GLIS3: variants seen among roughly 807,000 people sequenced by gnomAD.
The protein encoded by GLIS3 is zinc finger protein GLIS3.
GLIS3 carries 53 observed loss-of-function variants against 78.6 expected under a neutral mutation model. The ratio of observed to expected loss-of-function variants is 0.67; its 90% CI spans 0.54 to 0.85. The LOEUF is 0.85. GLIS3 is among the 40% of genes least tolerant of loss of function. The pLI, the probability that GLIS3 is intolerant of heterozygous loss-of-function variation, is 0.00. For missense variants in GLIS3, 1,703 were observed against 1,231.1 expected, an observed-to-expected ratio of 1.38 and a Z score of -5.74; for synonymous variants, 684 against 509.9, an observed-to-expected ratio of 1.34 and a Z score of -4.60.
At chr9:3,834,463 CTT>C (rs1419182833) in intron 9 of GLIS3, among the ~76,000 whole-genome samples, 2 of 152,182 alleles carry the variant, frequency 1.3e-5, no homozygotes, top group Non-Finnish European at 2.9e-5. Context: ...GAAGAACTGA[CTT>C]TTAAATTTTA....
intron 2 of GLIS3, among the ~76,000 whole-genome samples, chr9:4,235,095 G>A (rs764521864): frequency 7.9e-5 from 12 of 152,050 alleles, no homozygotes; most frequent in Non-Finnish European, 1.2e-4. Flanking sequence ...CCAGGAGATC[G>A]AGACCATCCT....
chr9:4,403,326 G>C, the GLIS3 span, among the ~76,000 whole-genome samples: 1 of 152,188 alleles, frequency 6.6e-6, no homozygotes, highest in African/African-American at 2.4e-5. Context: ...TTTTCAGTCT[G>C]AAAGAAAGGG....
At chr9:3,940,016 C>G (rs1369217330) in intron 4 of GLIS3, among the ~76,000 whole-genome samples, 1 of 152,218 alleles carries the variant, frequency 6.6e-6, no homozygotes, top group African/African-American at 2.4e-5. Context: ...GTTCATTTCT[C>G]TAATGGCGTC....
chr9:4,137,650 A>G (rs2130968107), intron 2 of GLIS3, among the ~76,000 whole-genome samples: 1 of 152,308 alleles, frequency 6.6e-6, no homozygotes, highest in African/African-American at 2.4e-5. Context: ...TAAATTAAGC[A>G]ATATTCCTGG....
At chr9:3,871,943 T>A (rs974383760) in intron 8 of GLIS3, among the ~76,000 whole-genome samples, 5 of 152,206 alleles carry the variant, frequency 3.3e-5, no homozygotes, top group Admixed American at 3.3e-4. Context: ...TATGCTCTGT[T>A]TCCTTTTTAA....
At chr9:4,269,153 A>G (rs1157292879) in intron 2 of GLIS3, among the ~76,000 whole-genome samples, 1 of 152,230 alleles carries the variant, frequency 6.6e-6, no homozygotes. Context: ...CATGTGAAAC[A>G]TGTTAAAATG....
chr9:4,474,067 A>G, the GLIS3 span, among the ~76,000 whole-genome samples: 1 of 152,212 alleles, frequency 6.6e-6, no homozygotes, highest in African/African-American at 2.4e-5. Flanking sequence ...AAAATTTCAG[A>G]AAGTGTTTTT....
At chr9:4,225,935 G>C (rs887510019) in intron 2 of GLIS3, among the ~76,000 whole-genome samples, 4 of 152,308 alleles carry the variant, frequency 2.6e-5, no homozygotes, top group Middle Eastern at 3.4e-3. Flanking sequence ...CATTCTATGA[G>C]TGCAAGAACA....
intron 4 of GLIS3, among the ~76,000 whole-genome samples, chr9:4,068,057 G>C (rs1247911873): frequency 6.6e-6 from 1 of 152,072 alleles, no homozygotes; most frequent in Non-Finnish European, 1.5e-5. Context: ...CCTGCAACTA[G>C]TAGAGAAAAG....
chr9:4,399,317 A>G, the GLIS3 span, among the ~76,000 whole-genome samples: 1 of 152,232 alleles, frequency 6.6e-6, no homozygotes, highest in East Asian at 1.9e-4. Context: ...TTATTTTTTA[A>G]AAAAACTGCC....
intron 8 of GLIS3, among the ~76,000 whole-genome samples, chr9:3,878,330 T>C (rs896516614): frequency 1.3e-5 from 2 of 152,202 alleles, no homozygotes; most frequent in Non-Finnish European, 2.9e-5. Context: ...GGCAGGAGCA[T>C]ATTTTAATAA....
chr9:4,259,992 G>C (rs1407701146), intron 2 of GLIS3, among the ~76,000 whole-genome samples: 1 of 152,174 alleles, frequency 6.6e-6, no homozygotes, highest in African/African-American at 2.4e-5. Context: ...AAGAAGTGGG[G>C]AAATTTAAGC....
intron 4 of GLIS3, among the ~76,000 whole-genome samples, chr9:4,051,420 C>A (rs984309782): frequency 6.6e-6 from 1 of 152,078 alleles, no homozygotes; most frequent in Admixed American, 6.6e-5. Context: ...CTAAGACAGT[C>A]GGGTATAGAG....
intron 4 of GLIS3, among the ~76,000 whole-genome samples, chr9:4,044,709 C>T (rs1825108516): frequency 6.6e-6 from 1 of 152,166 alleles, no homozygotes; most frequent in South Asian, 2.1e-4. Context: ...AGGGTGACTG[C>T]TCACAGTACT....
chr9:4,294,819 C>G (rs1406325691), intron 1 of GLIS3, among the ~76,000 whole-genome samples: 1 of 152,170 alleles, frequency 6.6e-6, no homozygotes, highest in Admixed American at 6.5e-5. Context: ...TATGCTACAT[C>G]TATATATTCA....
chr9:3,985,826 T>C (rs1231440704), intron 4 of GLIS3, among the ~76,000 whole-genome samples: 1 of 152,214 alleles, frequency 6.6e-6, no homozygotes, highest in Non-Finnish European at 1.5e-5. Flanking sequence ...TCAAACAATT[T>C]TGTGATGGAA....
At chr9:4,156,882 G>C (rs1312297970) in intron 2 of GLIS3, among the ~76,000 whole-genome samples, 2 of 152,084 alleles carry the variant, frequency 1.3e-5, no homozygotes, top group East Asian at 3.9e-4. Context: ...GTGGTACCTG[G>C]ACCAACAGCA....
intron 2 of GLIS3, among the ~76,000 whole-genome samples, chr9:4,187,412 T>A (rs554454523): frequency 6.6e-6 from 1 of 152,186 alleles, no homozygotes; most frequent in East Asian, 1.9e-4. Flanking sequence ...TGTAGTATAG[T>A]TTGAAGTCAG....
intron 2 of GLIS3, among the ~76,000 whole-genome samples, chr9:4,137,467 G>A (rs1044751476): frequency 1.3e-5 from 2 of 152,116 alleles, no homozygotes; most frequent in Non-Finnish European, 2.9e-5. Context: ...GTATTAAATG[G>A]AATCACATTT....
Sources: gnomAD v4.1 joint callset for allele counts (sites outside exome capture counted in the v4.1 genomes callset) on GRCh38, gnomAD v4.1.1 for gene constraint, MANE v1.5 for transcripts, NCBI Gene and HGNC (gene_info 2026-07-23, HGNC 2026-07-21) for gene names.